TSPAN14: variants seen among roughly 807,000 people sequenced by gnomAD.
TSPAN14 encodes tetraspanin-14.
Under a neutral mutation model 36.6 loss-of-function variants are expected in TSPAN14, and 16 were observed. The ratio of observed to expected loss-of-function variants is 0.44; its 90% CI spans 0.30 to 0.66. The LOEUF (loss-of-function observed/expected upper bound fraction) is 0.66, where lower values mean the gene tolerates loss of function less well. Ranked by LOEUF, TSPAN14 falls within the 30% of genes least tolerant of loss-of-function variation. The pLI, the probability that TSPAN14 is intolerant of heterozygous loss-of-function variation, is 0.12. For missense variants in TSPAN14, 231 were observed against 355.1 expected (o/e 0.65, Z 2.81); for synonymous variants, 139 against 143.8 (o/e 0.97, Z 0.24).
At chr10:80,500,695 G>A (rs1004209443) in intron 2 of TSPAN14, among the ~76,000 whole-genome samples, 1 of 152,218 alleles carries the variant, frequency 6.6e-6, no homozygotes, top group African/African-American at 2.4e-5. Context: ...TGCACGCAGT[G>A]GTGGGGAGCT....
chr10:80,473,729 G>C (rs184343521), intron 1 of TSPAN14, among the ~76,000 whole-genome samples: 1,370 of 97,122 alleles, frequency 0.014, 15 homozygotes, highest in African/African-American at 0.05. Context: ...TTTCTTTTTT[G>C]TTGGAAACCA....
At chr10:80,520,272 A>C (rs1200463928) in exon 9 of TSPAN14, 1 of 221,704 alleles carries the variant, frequency 4.5e-6, no homozygotes, top group Non-Finnish European at 9.1e-6. Flanking sequence ...CGATTTTTGC[A>C]GAGTTGGGTT....
At chr10:80,503,103 G>T (rs1848614245) in intron 2 of TSPAN14, among the ~76,000 whole-genome samples, 1 of 131,456 alleles carries the variant, frequency 7.6e-6, no homozygotes, top group Non-Finnish European at 1.7e-5. Flanking sequence ...GTCCCTGGGG[G>T]CCTTGAATAA....
chr10:80,475,607 A>G (rs1240021476), intron 1 of TSPAN14, among the ~76,000 whole-genome samples: 1 of 151,792 alleles, frequency 6.6e-6, no homozygotes, highest in Non-Finnish European at 1.5e-5. Flanking sequence ...TTTGTTGTTG[A>G]GACAGAGTCT....
At chr10:80,482,788 T>A (rs1847363921) in intron 1 of TSPAN14, among the ~76,000 whole-genome samples, 1 of 142,202 alleles carries the variant, frequency 7.0e-6, no homozygotes, top group Non-Finnish European at 1.5e-5. Flanking sequence ...CAGGCTGGAG[T>A]GCAATGGCAC....
At chr10:80,504,855 A>G in intron 3 of TSPAN14, 77 bp downstream of exon 3, 3 of 1,479,778 alleles carry the variant, frequency 2.0e-6, no homozygotes, top group Non-Finnish European at 2.8e-6. Flanking sequence ...TCCCTCCTCC[A>G]ATCTGTTCCC....
intron 2 of TSPAN14, among the ~76,000 whole-genome samples, chr10:80,493,025 G>A (rs558467522): frequency 1.3e-5 from 2 of 152,248 alleles, no homozygotes; most frequent in East Asian, 1.9e-4. Flanking sequence ...AATGGAATGG[G>A]CTTCATGAGG....
At chr10:80,517,860 T>C in intron 8 of TSPAN14, 45 bp from the exon 9 acceptor site, 1 of 1,541,872 alleles carries the variant, frequency 6.5e-7, no homozygotes, top group Non-Finnish European at 8.8e-7. Flanking sequence ...CCCTCTGCCT[T>C]TGGGCCCCAG....
intron 1 of TSPAN14, among the ~76,000 whole-genome samples, chr10:80,478,633 G>A (rs1406954960): frequency 6.6e-5 from 10 of 152,226 alleles, no homozygotes. Context: ...AGAAATCTGA[G>A]TGGTTTCGGG....
In TSPAN14 at chr10:80,509,759, C is replaced by A. The variant is rs1328823319; in HGVS notation, c.450+288C>A. 3 of 404,076 alleles carry A rather than the reference C, an allele frequency of 7.4e-6. No individual in the cohort carries two copies. In the East Asian group the frequency reaches 1.5e-4, roughly 21 times the overall value. 25.0% of individuals were successfully genotyped at this position (404,076 alleles called of 1,614,324 possible). A position where few individuals can be genotyped will look rare whatever the true frequency, so the allele number is the denominator to read the frequency against. Reference sequence around the variant, plus strand: ...CGGCCCTCCTCTTTCGGCCCCAGATCTTTCCAATCCTGCCCAATAGCCATA... The same window carrying A: ...CGGCCCTCCTCTTTCGGCCCCAGATATTTCCAATCCTGCCCAATAGCCATA... On this transcript the variant is annotated intron_variant, in intron 5 of 8. Coordinates refer to ENST00000429989, the Ensembl canonical transcript of TSPAN14. This position sits in a 1 kb window ranked among gnomAD's most constrained non-coding sequence, Gnocchi z 4.7.
intron 2 of TSPAN14, among the ~76,000 whole-genome samples, chr10:80,499,540 G>A (rs189159777): frequency 1.4e-4 from 21 of 152,288 alleles, no homozygotes; most frequent in Non-Finnish European, 2.6e-4. Flanking sequence ...GTGAGTGCCC[G>A]TGTGTGGAAG....
intron 2 of TSPAN14, among the ~76,000 whole-genome samples, chr10:80,500,386 A>G (rs867216886): frequency 5.0e-5 from 6 of 118,912 alleles, no homozygotes; most frequent in African/African-American, 1.6e-4. Context: ...CTGGAGTGCA[A>G]TGGCGTGATC....
intron 1 of TSPAN14, among the ~76,000 whole-genome samples, chr10:80,470,949 C>T (rs1312285981): frequency 1.3e-5 from 2 of 152,188 alleles, no homozygotes; most frequent in East Asian, 3.9e-4. Context: ...CAGTGTGTCC[C>T]TCCCTATCTT....
chr10:80,454,830 A>T (rs7098414), intron 1 of TSPAN14, among the ~76,000 whole-genome samples: 2 of 151,932 alleles, frequency 1.3e-5, no homozygotes, highest in Non-Finnish European at 2.9e-5. Flanking sequence ...CTCGGCTCCC[A>T]GGAGATCGGG....
chr10:80,480,955 A>C lies in TSPAN14; in HGVS notation c.-17-8262A>C, dbSNP rs371674006. 1.6e-3 allele frequency among the ~76,000 whole-genome samples: 240 copies of C among 152,170 alleles called. 1 individual carries two copies. The highest frequency in any genetic ancestry group is 5.6e-3 in the African/African-American group (232 of 41,514). On this transcript the variant is annotated intron_variant, in intron 1 of 8. Transcript: ENST00000429989. ...TAATAATAAAATAAAAGAATATAAA[A>C]ATTAGCTGGGCGTGGTGGTGCATGC...
intron 1 of TSPAN14, among the ~76,000 whole-genome samples, chr10:80,463,997 A>C (rs1031451829): frequency 6.6e-6 from 1 of 152,212 alleles, no homozygotes; most frequent in Non-Finnish European, 1.5e-5. Flanking sequence ...TGGCTCATGC[A>C]GCCTGTGCCC....
At chr10:80,497,112 T>C (rs1447485055) in intron 2 of TSPAN14, among the ~76,000 whole-genome samples, 1 of 152,254 alleles carries the variant, frequency 6.6e-6, no homozygotes, top group Non-Finnish European at 1.5e-5. Flanking sequence ...ATTCATGCAG[T>C]TATACGTAGT....
At chr10:80,458,770 G>A (rs1845841961) in intron 1 of TSPAN14, among the ~76,000 whole-genome samples, 1 of 152,146 alleles carries the variant, frequency 6.6e-6, no homozygotes, top group Admixed American at 6.5e-5. Flanking sequence ...AATTGCGTAT[G>A]CTTTTGATTT....
At chr10:80,504,457 T>G (rs1476478276) in intron 2 of TSPAN14, among the ~76,000 whole-genome samples, 1 of 152,246 alleles carries the variant, frequency 6.6e-6, no homozygotes, top group Non-Finnish European at 1.5e-5. Flanking sequence ...GCCTGATGTC[T>G]GTGACCCATA....
Sources: gnomAD v4.1 joint callset for allele counts (sites outside exome capture counted in the v4.1 genomes callset) on GRCh38, gnomAD v4.1.1 for gene constraint, Gnocchi (gnomAD v3.1) non-coding constraint, MANE v1.5 for transcripts, NCBI Gene and HGNC (gene_info 2026-07-23, HGNC 2026-07-21) for gene names.